NUP62CL: variants seen among roughly 807,000 people sequenced by gnomAD.
NUP62CL encodes the protein nucleoporin-62 C-terminal-like protein.
NUP62CL carries 13 observed loss-of-function variants against 15.3 expected under a neutral mutation model. The ratio of observed to expected loss-of-function variants is 0.85; its 90% CI spans 0.55 to 1.35. The LOEUF (loss-of-function observed/expected upper bound fraction) is 1.35, where lower values mean the gene tolerates loss of function less well. Ranked by LOEUF, NUP62CL falls within the 40% of genes most tolerant of loss-of-function variation. NUP62CL has a pLI of 0.00. For synonymous variants in NUP62CL, 54 were observed against 49.2 expected, an observed-to-expected ratio of 1.10 and a Z score of -0.41; for missense variants, 123 against 130.6, an observed-to-expected ratio of 0.94 and a Z score of 0.28.
At chrX:107,180,736 G>A (rs1203751788) in intron 2 of NUP62CL, among the ~76,000 whole-genome samples, 1 of 110,554 alleles carries the variant, frequency 9.0e-6, no homozygotes, top group Non-Finnish European at 1.9e-5. Flanking sequence ...AAGGGGCAGG[G>A]GTAATAAAGA....
At chrX:107,190,383 T>C (rs915580585) in intron 2 of NUP62CL, among the ~76,000 whole-genome samples, 2 of 112,416 alleles carry the variant, frequency 1.8e-5, no homozygotes, top group African/African-American at 6.5e-5. Context: ...AAGAAATATT[T>C]GTTAAACATA....
At chrX:107,196,225 C>A (rs1290938450) in intron 1 of NUP62CL, among the ~76,000 whole-genome samples, 1 of 111,912 alleles carries the variant, frequency 8.9e-6, no homozygotes, top group Admixed American at 9.5e-5. Context: ...ACTAAAAGTA[C>A]ATTTTTGTCA....
intron 3 of NUP62CL, among the ~76,000 whole-genome samples, chrX:107,172,580 G>A (rs1285573): frequency 0.37 from 40,603 of 110,194 alleles, 8,133 homozygotes; most frequent in African/African-American, 0.77. Context: ...TCCATCTACA[G>A]CCTAACTAGC....
At chrX:107,193,755 T>C (rs1430041667) in intron 1 of NUP62CL, among the ~76,000 whole-genome samples, 1 of 110,714 alleles carries the variant, frequency 9.0e-6, no homozygotes, top group African/African-American at 3.3e-5. Context: ...GTCAGTCATC[T>C]TTAGACCTAA....
intron 8 of NUP62CL, among the ~76,000 whole-genome samples, chrX:107,138,976 G>C (rs1925706685): frequency 8.9e-6 from 1 of 111,985 alleles, no homozygotes; most frequent in African/African-American, 3.2e-5. Context: ...GCAATAGAAA[G>C]AATCAAACTA....
Position 107,153,273 on chromosome X carries a change from C to T in NUP62CL, c.429G>A (p.Gln143=). 8.3e-7 allele frequency: 1 copy of T among 1,207,709 alleles called. No homozygotes were observed. Among genetic ancestry groups the T allele is most frequent in the South Asian group, 1.8e-5 (1 of 56,667 alleles). The change falls in exon 7 of 9, where the codon CAG becomes CAA. Residue 143 remains glutamine (Q), a synonymous_variant. Transcript: ENST00000372466. ...LEQELDFILS[Q]QQELEFLLTY... Reference sequence around the variant, plus strand: ...TCAACAGAAATTCTAGTTCCTGCTGCTGTGACAGGATAAAATCCAATTCTT... The same window carrying T: ...TCAACAGAAATTCTAGTTCCTGCTGTTGTGACAGGATAAAATCCAATTCTT...
chrX:107,183,188 GT>G (rs1249990876), intron 2 of NUP62CL, among the ~76,000 whole-genome samples: 1 of 111,778 alleles, frequency 8.9e-6, no homozygotes, highest in Admixed American at 9.5e-5. Context: ...GTGAGACCAT[GT>G]CTCTAATTAA....
intron 8 of NUP62CL, among the ~76,000 whole-genome samples, chrX:107,140,137 A>G (rs1197077492): frequency 9.0e-6 from 1 of 111,637 alleles, no homozygotes; most frequent in East Asian, 2.8e-4. Context: ...AATACATTTC[A>G]AGGAAGAGTG....
At chrX:107,194,583 A>T (rs1927316142) in intron 1 of NUP62CL, among the ~76,000 whole-genome samples, 1 of 111,487 alleles carries the variant, frequency 9.0e-6, no homozygotes, top group South Asian at 3.8e-4. Flanking sequence ...TCTCATTAAA[A>T]CTAAGAGTTG....
At chrX:107,189,941 G>GAA (rs1169657473) in intron 2 of NUP62CL, among the ~76,000 whole-genome samples, 2 of 94,666 alleles carry the variant, frequency 2.1e-5, no homozygotes, top group African/African-American at 4.2e-5. Flanking sequence ...AAGAAAGAAA[G>GAA]AAAGAGAATC....
At chrX:107,204,815 A>AAATT (rs1293158785) in intron 1 of NUP62CL, among the ~76,000 whole-genome samples, 1 of 80,083 alleles carries the variant, frequency 1.2e-5, no homozygotes, top group Non-Finnish European at 2.2e-5. Flanking sequence ...AATTTTAAAT[A>AAATT]AATTATTTAA....
intron 4 of NUP62CL, among the ~76,000 whole-genome samples, chrX:107,163,741 A>AATTTTGT (rs1381629821): frequency 3.6e-5 from 4 of 112,151 alleles, no homozygotes; most frequent in Non-Finnish European, 7.5e-5. Flanking sequence ...CTACAGAACA[A>AATTTTGT]AGAAAATTAC....
intron 2 of NUP62CL, among the ~76,000 whole-genome samples, chrX:107,178,181 G>A (rs986830939): frequency 4.5e-5 from 5 of 111,568 alleles, no homozygotes; most frequent in Non-Finnish European, 3.8e-5. Flanking sequence ...CCAAAGACTG[G>A]GGAAAAGGAG....
intron 7 of NUP62CL, among the ~76,000 whole-genome samples, chrX:107,150,064 A>G (rs1267097380): frequency 2.7e-5 from 3 of 112,234 alleles, no homozygotes; most frequent in Admixed American, 1.9e-4. Context: ...GTGTAAACCT[A>G]ATAACCATAT....
At chrX:107,200,118 ATGGTGCAT>A (rs1661531130) in intron 1 of NUP62CL, among the ~76,000 whole-genome samples, 1 of 111,828 alleles carries the variant, frequency 8.9e-6, no homozygotes, top group African/African-American at 3.2e-5. Flanking sequence ...GCTTCTGAAA[ATGGTGCAT>A]TGGTTTCAAG....
At chrX:107,139,385 T>C (rs1925714696) in intron 8 of NUP62CL, among the ~76,000 whole-genome samples, 1 of 112,021 alleles carries the variant, frequency 8.9e-6, no homozygotes. Context: ...CTAGTTGTAA[T>C]ACTGTACTAC....
intron 4 of NUP62CL, among the ~76,000 whole-genome samples, chrX:107,155,032 C>T (rs753016403): frequency 9.0e-6 from 1 of 111,523 alleles, no homozygotes; most frequent in South Asian, 3.8e-4. Flanking sequence ...ATCTCTATAC[C>T]CACCCAGCAT....
Position 107,175,148 on chromosome X carries a change from G to T in NUP62CL, c.-2C>A, listed in dbSNP as rs1023223764. 1.3e-5 allele frequency: 16 copies of T among 1,196,759 alleles called. No homozygotes were observed. The highest frequency in any genetic ancestry group is 7.0e-5 in the African/African-American group (4 of 56,975). On this transcript the variant is annotated 5_prime_UTR_variant, in exon 3 of 9. Transcript: ENST00000372466. ...ATTTGATATTGAGGTAAACTGCATG[G>T]TGCTTGAACTAGTGGTGGTGGCAAC...
At chrX:107,150,138 C>T (rs1387197321) in intron 7 of NUP62CL, among the ~76,000 whole-genome samples, 1 of 111,571 alleles carries the variant, frequency 9.0e-6, no homozygotes. Flanking sequence ...TTTTAAAATA[C>T]AATCTAACCA....
Sources: gnomAD v4.1 joint callset for allele counts (sites outside exome capture counted in the v4.1 genomes callset) on GRCh38, gnomAD v4.1.1 for gene constraint, MANE v1.5 for transcripts, NCBI Gene and HGNC (gene_info 2026-07-23, HGNC 2026-07-21) for gene names.